The following LPP variants were observed in gnomAD, a reference collection of about 807,000 sequenced individuals.
LPP encodes the protein lipoma-preferred partner.
Under a neutral mutation model 60.4 loss-of-function variants are expected in LPP, and 38 were observed. The ratio of observed to expected loss-of-function variants is 0.63; its 90% CI spans 0.49 to 0.83. The LOEUF is 0.83. LPP is among the 40% of genes least tolerant of loss of function. The pLI, the probability that LPP is intolerant of heterozygous loss-of-function variation, is 0.00. For missense variants in LPP, 902 were observed against 783.6 expected (o/e 1.15, Z -1.80); for synonymous variants, 328 against 290.8 (o/e 1.13, Z -1.30).
At chr3:188,599,808 T>G (rs895672784) in intron 6 of LPP, among the ~76,000 whole-genome samples, 5 of 144,588 alleles carry the variant, frequency 3.5e-5, no homozygotes, top group African/African-American at 1.3e-4. Flanking sequence ...CTTTATGTGT[T>G]CATTGAGGAC....
At chr3:188,545,804 G>A (rs1826486680) in intron 6 of LPP, among the ~76,000 whole-genome samples, 1 of 152,106 alleles carries the variant, frequency 6.6e-6, no homozygotes, top group South Asian at 2.1e-4. Flanking sequence ...CTTACACAGA[G>A]TGTCCTTTCT....
intron 6 of LPP, among the ~76,000 whole-genome samples, chr3:188,605,340 T>C (rs1374630266): frequency 6.6e-6 from 1 of 152,088 alleles, no homozygotes; most frequent in Non-Finnish European, 1.5e-5. Context: ...AGCAACAGGA[T>C]TTAGTTCTTG....
intron 1 of LPP, among the ~76,000 whole-genome samples, chr3:188,188,823 T>G (rs1322233793): frequency 3.3e-5 from 5 of 152,138 alleles, no homozygotes; most frequent in Admixed American, 2.6e-4. Flanking sequence ...GCTAGCAACA[T>G]TTACTCTATG....
chr3:188,851,033 T>C (rs1389521273), intron 9 of LPP, among the ~76,000 whole-genome samples: 3 of 152,186 alleles, frequency 2.0e-5, no homozygotes, highest in Non-Finnish European at 4.4e-5. Context: ...GAAGAAGATA[T>C]TTATGTCAAA....
At chr3:188,409,994 C>T (rs1414312880) in intron 4 of LPP, among the ~76,000 whole-genome samples, 2 of 152,130 alleles carry the variant, frequency 1.3e-5, no homozygotes, top group Non-Finnish European at 2.9e-5. Flanking sequence ...CTTTACTACC[C>T]CATACCCTCA....
chr3:188,678,854 G>A (rs1858747233), intron 7 of LPP, among the ~76,000 whole-genome samples: 1 of 152,182 alleles, frequency 6.6e-6, no homozygotes, highest in Non-Finnish European at 1.5e-5. Context: ...ACTCAAATGA[G>A]TAAAGTTAGA....
At position 188,884,151 on chromosome 3, in the gene LPP, G is replaced by A. The variant is rs1347970852; in HGVS notation, c.*9672G>A. 6 of 225,976 alleles carry A rather than the reference G, an allele frequency of 2.7e-5. No individual in the cohort carries two copies. Among genetic ancestry groups the A allele is most frequent in the Non-Finnish European group, 3.5e-5 (4 of 113,594 alleles). 14.0% of individuals were successfully genotyped at this position (225,976 alleles called of 1,614,324 possible). On this transcript the variant is annotated 3_prime_UTR_variant, in exon 12 of 12. Coordinates refer to ENST00000617246, the MANE Select transcript of LPP (RefSeq NM_001375462.1). ...CTGCTTCCACACAGAAAATAGCGCA[G>A]GGAGGACAGTTATTAGTACCCCTAT...
intron 3 of LPP, among the ~76,000 whole-genome samples, chr3:188,376,654 T>C (rs1459721280): frequency 1.3e-5 from 2 of 152,232 alleles, no homozygotes; most frequent in Non-Finnish European, 2.9e-5. Context: ...CTTGACTCTT[T>C]ATCCAATTTG....
rs574441705 is a variant in LPP, at chr3:188,205,167, A to G, written c.-189-20238A>G. Among the ~76,000 whole-genome samples the G allele has an allele frequency of 3.9e-5, 6 of 152,236 alleles. 1 individual carries two copies. Among genetic ancestry groups the G allele is most frequent in the African/African-American group, 1.4e-4 (6 of 41,544 alleles). ...TTCTCATAAAAGCCTTAGGAGGTAG[A>G]TAAACAATATTATTTTCCATTTTAC... On this transcript the variant is annotated intron_variant, in intron 1 of 11. Transcript: ENST00000617246.
At chr3:188,406,427 G>C in intron 4 of LPP, 114 bp downstream of exon 4, 1 of 964,886 alleles carries the variant, frequency 1.0e-6, no homozygotes, top group Non-Finnish European at 1.5e-6. Flanking sequence ...CACAGCGTGG[G>C]TGTCATAGGC....
chr3:188,852,174 A>G (rs1005787335), intron 9 of LPP, among the ~76,000 whole-genome samples: 32 of 152,268 alleles, frequency 2.1e-4, no homozygotes, highest in African/African-American at 7.5e-4. Flanking sequence ...AAAAAAGACA[A>G]AAAGAAAGAA....
chr3:188,357,598 C>A (rs1426571019), intron 3 of LPP, among the ~76,000 whole-genome samples: 1 of 152,140 alleles, frequency 6.6e-6, no homozygotes, highest in Non-Finnish European at 1.5e-5. Context: ...AATCCATGCA[C>A]AAGATATTTA....
In LPP at chr3:188,508,319, G is replaced by T. The variant is rs565254614; in HGVS notation, c.307-16346G>T. Reference sequence around the variant, plus strand: ...TCCTTTGGAAAAAAATGAGGACTTTGAAGCAGGTGTGATGTGAATGTTACT... The same window carrying T: ...TCCTTTGGAAAAAAATGAGGACTTTTAAGCAGGTGTGATGTGAATGTTACT... On this transcript the variant is annotated intron_variant, in intron 5 of 11. Transcript: ENST00000617246. Among the ~76,000 whole-genome samples the T allele has an allele frequency of 8.5e-5, 13 of 152,298 alleles. No homozygotes were observed. In the East Asian group the frequency reaches 2.5e-3, roughly 29 times the overall value.
intron 2 of LPP, among the ~76,000 whole-genome samples, chr3:188,258,480 G>A (rs944870400): frequency 6.6e-6 from 1 of 152,106 alleles, no homozygotes; most frequent in Admixed American, 6.6e-5. Flanking sequence ...ACGCCACTAC[G>A]CCTGGCTAAT....
intron 9 of LPP, among the ~76,000 whole-genome samples, chr3:188,792,345 C>T (rs1744030270): frequency 6.6e-6 from 1 of 152,198 alleles, no homozygotes. Flanking sequence ...GGGAGCAGCT[C>T]CATACTCACC....
At chr3:188,747,052 G>A (rs779531438) in intron 8 of LPP, among the ~76,000 whole-genome samples, 10 of 152,006 alleles carry the variant, frequency 6.6e-5, no homozygotes, top group South Asian at 4.2e-4. Context: ...CACTTGATTC[G>A]GTGTATTTAT....
intron 6 of LPP, among the ~76,000 whole-genome samples, chr3:188,570,174 T>G (rs980820318): frequency 5.3e-5 from 8 of 152,178 alleles, no homozygotes; most frequent in Non-Finnish European, 1.2e-4. Context: ...TGACAGGCCT[T>G]GTGGCAGTCA....
chr3:188,665,459 TC>T (rs57832009), intron 7 of LPP, among the ~76,000 whole-genome samples: 76,813 of 118,846 alleles, frequency 0.65, 25,595 homozygotes, highest in East Asian at 0.79. Context: ...TTCTTCTTCT[TC>T]TTTTTTTTTT....
At chr3:188,658,122 A>ATTAGTTTAGTTCAGTTTAGTTTAGT (rs1853729598) in intron 7 of LPP, among the ~76,000 whole-genome samples, 2 of 4,206 alleles carry the variant, frequency 4.8e-4, no homozygotes, top group Admixed American at 6.4e-3. Context: ...TTCTGAAGTT[A>ATTAGTTTAGTTCAGTTTAGTTTAGT]TTAGTTTAGT....
Sources: gnomAD v4.1 joint callset for allele counts (sites outside exome capture counted in the v4.1 genomes callset) on GRCh38, gnomAD v4.1.1 for gene constraint, MANE v1.5 for transcripts, NCBI Gene and HGNC (gene_info 2026-07-23, HGNC 2026-07-21) for gene names.